Variants in RGL1 observed in about 807,000 individuals in gnomAD.
RGL1 encodes ral guanine nucleotide dissociation stimulator-like 1.
A neutral mutation model predicts 95.2 loss-of-function variants in RGL1; 24 were observed. The observed-to-expected ratio is 0.25, with a 90% CI of 0.18 to 0.35. The LOEUF (loss-of-function observed/expected upper bound fraction) is 0.35, where lower values mean the gene tolerates loss of function less well. Ranked by LOEUF, RGL1 falls within the 10% of genes least tolerant of loss-of-function variation. The pLI is 1.00. For synonymous variants in RGL1, 329 were observed against 344.9 expected (o/e 0.95, Z 0.51); for missense variants, 715 against 936.3 (o/e 0.76, Z 3.08).
At chr1:183,727,111 CA>C (rs1448536349) in intron 1 of RGL1, among the ~76,000 whole-genome samples, 19 of 152,096 alleles carry the variant, frequency 1.2e-4, no homozygotes, top group African/African-American at 4.6e-4. Flanking sequence ...CAATCTTCAA[CA>C]AAAGATGTGC....
chr1:183,792,867 A>C (rs1043700986), intron 2 of RGL1, among the ~76,000 whole-genome samples: 7 of 152,110 alleles, frequency 4.6e-5, no homozygotes, highest in African/African-American at 1.4e-4. Context: ...TTAAAATAAT[A>C]ATACTACCCA....
intron 17 of RGL1, 66 bp from the exon 18 acceptor site, chr1:183,926,039 C>A: frequency 7.2e-7 from 1 of 1,393,552 alleles, no homozygotes; most frequent in Non-Finnish European, 9.9e-7. Flanking sequence ...AGGTTTACAG[C>A]TGCCGTTGTC....
intron 1 of RGL1, among the ~76,000 whole-genome samples, chr1:183,663,591 T>G (rs1171648464): frequency 6.6e-6 from 1 of 151,778 alleles, no homozygotes. Flanking sequence ...GTGGAGAAAT[T>G]GGAACACTTT....
intron 2 of RGL1, 84 bp downstream of exon 2, chr1:183,806,569 G>A: frequency 2.0e-6 from 2 of 978,820 alleles, no homozygotes; most frequent in African/African-American, 1.7e-5. Flanking sequence ...ACAGAGGCAG[G>A]CTTTTTTTTT....
intron 1 of RGL1, chr1:183,653,199 T>A (rs943326197): frequency 6.6e-6 from 1 of 152,236 alleles, no homozygotes; most frequent in Non-Finnish European, 1.5e-5. Flanking sequence ...GCTGTAAAGA[T>A]TCACCTTGTA....
chr1:183,912,396 G>A, intron 15 of RGL1, 128 bp downstream of exon 15: 2 of 764,368 alleles, frequency 2.6e-6, no homozygotes, highest in Admixed American at 3.0e-5. Context: ...TTTTGAACAG[G>A]CATCAAAAGA....
At chr1:183,828,993 T>C (rs533971748) in intron 2 of RGL1, among the ~76,000 whole-genome samples, 1 of 152,356 alleles carries the variant, frequency 6.6e-6, no homozygotes, top group South Asian at 2.1e-4. Context: ...TTTGTCATCA[T>C]AGGAATTTCT....
At chr1:183,773,319 A>C (rs1055579036) in intron 2 of RGL1, among the ~76,000 whole-genome samples, 1 of 152,102 alleles carries the variant, frequency 6.6e-6, no homozygotes, top group Non-Finnish European at 1.5e-5. Context: ...GTAGACTATG[A>C]GCTTCTAACA....
chr1:183,755,674 C>A (rs991104567), intron 2 of RGL1, among the ~76,000 whole-genome samples: 2 of 152,040 alleles, frequency 1.3e-5, no homozygotes, highest in South Asian at 4.1e-4. Flanking sequence ...GTAAATGATA[C>A]CTCAACAAAG....
intron 1 of RGL1, among the ~76,000 whole-genome samples, chr1:183,704,848 A>G (rs542759362): frequency 2.0e-5 from 3 of 152,312 alleles, no homozygotes; most frequent in East Asian, 3.9e-4. Flanking sequence ...TAAGCTTTCA[A>G]GGGTGAGGAT....
rs544440682 is a variant in RGL1 at position 183,834,921 on chromosome 1, G to A, written c.139-12645G>A. 2.3e-3 allele frequency among the ~76,000 whole-genome samples: 340 copies of A among 151,056 alleles called. 1 individual carries two copies. The highest frequency in any genetic ancestry group is 2.1e-3 in the Non-Finnish European group (141 of 68,000). ...TAGTCCTGAACTCCTGACCTCAAGCGATCCTCCCACTTCAGCCTCCCAAAG... is the reference window on the plus strand; with the variant it reads ...TAGTCCTGAACTCCTGACCTCAAGCAATCCTCCCACTTCAGCCTCCCAAAG... On this transcript the variant is annotated intron_variant, in intron 2 of 17. Transcript: ENST00000360851.
chr1:183,815,038 C>T lies in RGL1; in HGVS notation c.138+8553C>T, dbSNP rs548506741. 6.6e-5 allele frequency among the ~76,000 whole-genome samples: 10 copies of T among 152,176 alleles called. No homozygotes were observed. The South Asian group carries it at 1.0e-3, about 16-fold the overall frequency. ...TGTAATCCCAGTACTTTGGGAGGTCCGGATGGGTGGATCACTTGAGGTCAA... is the reference window on the plus strand; with the variant it reads ...TGTAATCCCAGTACTTTGGGAGGTCTGGATGGGTGGATCACTTGAGGTCAA... On this transcript the variant is annotated intron_variant, in intron 2 of 17. Coordinates refer to ENST00000360851, the MANE Select transcript of RGL1 (RefSeq NM_001297671.3).
Position 183,805,283 on chromosome 1 carries a change from G to C in RGL1, c.-15G>C. On this transcript the variant is annotated 5_prime_UTR_variant, in exon 1 of 18. Transcript: ENST00000360851. The stretch of plus-strand genomic sequence containing the variant: ...CGCATCATGCAGCGTTCGCGCACCG[G>C]AGAGAAAACTGAGAATGAAATTGCT... 6.2e-7 allele frequency: 1 copy of C among 1,611,590 alleles called. No individual in the cohort carries two copies. The highest frequency in any genetic ancestry group is 1.3e-5 in the African/African-American group (1 of 75,058).
chr1:183,868,824 A>T (rs1005246799), intron 4 of RGL1, among the ~76,000 whole-genome samples: 4 of 152,234 alleles, frequency 2.6e-5, no homozygotes, highest in African/African-American at 4.8e-5. Flanking sequence ...AATCAAAAAT[A>T]TCCAGAGCTG....
chr1:183,912,231 T>A lies in RGL1; in HGVS notation c.1712T>A (p.Ile571Asn). The A allele has an allele frequency of 6.2e-7, 1 of 1,614,040 alleles. No homozygotes were observed. The highest frequency in any genetic ancestry group is 8.5e-7 in the Non-Finnish European group (1 of 1,179,978). ...CACTCAGAGGCTGAGGAGGGCTCCA[T>A]TACTCCCATGGACACCCCTGATGAG... is the stretch of plus-strand genomic sequence containing the variant. The part of the protein sequence containing the change: ...SNHSEAEEGS[I>N]TPMDTPDEPQ... The change falls in exon 15 of 18, where the codon ATT (isoleucine) becomes AAT (asparagine). Residue 571 changes from isoleucine to asparagine, a missense_variant. By Grantham distance (149) the Ile-to-Asn change is moderately radical. Coordinates refer to ENST00000360851, the MANE Select transcript of RGL1 (RefSeq NM_001297671.3).
At chr1:183,901,004 A>G (rs1266798868) in intron 11 of RGL1, among the ~76,000 whole-genome samples, 5 of 151,846 alleles carry the variant, frequency 3.3e-5, no homozygotes, top group Non-Finnish European at 4.4e-5. Flanking sequence ...GTCTCTACTA[A>G]AAATACAAAA....
At chr1:183,904,794 G>A (rs1434144199) in intron 12 of RGL1, 56 bp from the exon 13 acceptor site, 2 of 1,527,480 alleles carry the variant, frequency 1.3e-6, no homozygotes, top group East Asian at 2.3e-5. Flanking sequence ...TCTATATTTG[G>A]TTGGCCTTAT....
chr1:183,770,395 C>A (rs1242398405), intron 2 of RGL1, among the ~76,000 whole-genome samples: 1 of 152,136 alleles, frequency 6.6e-6, no homozygotes, highest in Non-Finnish European at 1.5e-5. Flanking sequence ...CCTAGGAGGG[C>A]TTCTGAAACT....
intron 1 of RGL1, among the ~76,000 whole-genome samples, chr1:183,696,916 G>C (rs1443943763): frequency 6.6e-6 from 1 of 152,060 alleles, no homozygotes; most frequent in Non-Finnish European, 1.5e-5. Flanking sequence ...TCATTCTCTA[G>C]AGCTTGAACT....
Sources: allele counts gnomAD v4.1 joint callset (sites outside exome capture counted in the v4.1 genomes callset), GRCh38; gene constraint gnomAD v4.1.1; transcripts MANE v1.5; gene names NCBI Gene and HGNC (gene_info 2026-07-23, HGNC 2026-07-21).